The following DACH1 variants were observed in gnomAD, a reference collection of about 807,000 sequenced individuals.
The protein encoded by DACH1 is dachshund homolog 1.
In DACH1, 12 loss-of-function variants were observed where a neutral mutation model predicts 54.2. The observed-to-expected ratio is 0.22, with a 90% CI of 0.14 to 0.36. DACH1 has a LOEUF of 0.36. Ranked by LOEUF, DACH1 falls within the 10% of genes least tolerant of loss-of-function variation. The pLI, the probability that DACH1 is intolerant of heterozygous loss-of-function variation, is 1.00. For missense variants in DACH1, 805 were observed against 929.8 expected, an observed-to-expected ratio of 0.87 and a Z score of 1.75; for synonymous variants, 386 against 366.2, an observed-to-expected ratio of 1.05 and a Z score of -0.62.
intron 10 of DACH1, among the ~76,000 whole-genome samples, chr13:71,448,568 T>C (rs1874684133): frequency 6.6e-6 from 1 of 152,094 alleles, no homozygotes; most frequent in African/African-American, 2.4e-5. Context: ...ATATTTAGAG[T>C]AAGAACATTC....
chr13:71,454,498 C>T (rs1036360617), intron 10 of DACH1, among the ~76,000 whole-genome samples: 20 of 152,110 alleles, frequency 1.3e-4, no homozygotes, highest in African/African-American at 3.6e-4. Flanking sequence ...TCTAAAAAGA[C>T]GGTAACTTGC....
intron 6 of DACH1, among the ~76,000 whole-genome samples, chr13:71,509,413 T>C (rs1204487628): frequency 6.6e-6 from 1 of 152,066 alleles, no homozygotes; most frequent in Admixed American, 6.6e-5. Flanking sequence ...AAATTAGGAA[T>C]GAGACTAATA....
chr13:71,584,134 G>T (rs1873060664), intron 3 of DACH1, among the ~76,000 whole-genome samples: 1 of 151,880 alleles, frequency 6.6e-6, no homozygotes, highest in South Asian at 2.1e-4. Flanking sequence ...AGGTCGCCTG[G>T]GTAAATGCAC....
chr13:71,677,788 C>T (rs983950065), intron 2 of DACH1, among the ~76,000 whole-genome samples: 2 of 151,972 alleles, frequency 1.3e-5, no homozygotes, highest in South Asian at 4.1e-4. Context: ...GGTGCGATCT[C>T]GGCTCACTGC....
At chr13:71,765,157 A>G (rs1885566732) in intron 1 of DACH1, among the ~76,000 whole-genome samples, 1 of 152,138 alleles carries the variant, frequency 6.6e-6, no homozygotes, top group Non-Finnish European at 1.5e-5. Context: ...ATTTCCATGA[A>G]TTTGTTATCT....
chr13:71,726,789 T>A (rs910682788), intron 1 of DACH1, among the ~76,000 whole-genome samples: 7 of 152,066 alleles, frequency 4.6e-5, no homozygotes, highest in African/African-American at 1.7e-4. Flanking sequence ...CTTTAAATGT[T>A]TATCTATCTA....
intron 6 of DACH1, 27 bp from the exon 7 acceptor site, chr13:71,489,175 G>A: frequency 6.2e-7 from 1 of 1,603,190 alleles, no homozygotes; most frequent in South Asian, 1.1e-5. Context: ...CAAAAATATA[G>A]AACAAGTTAC....
At chr13:71,730,565 T>C (rs1350186677) in intron 1 of DACH1, among the ~76,000 whole-genome samples, 1 of 152,168 alleles carries the variant, frequency 6.6e-6, no homozygotes, top group Non-Finnish European at 1.5e-5. Flanking sequence ...TTCCTTTATA[T>C]ATTGTGTGAG....
intron 1 of DACH1, among the ~76,000 whole-genome samples, chr13:71,709,400 C>A (rs1882604965): frequency 6.6e-6 from 1 of 151,856 alleles, no homozygotes; most frequent in Non-Finnish European, 1.5e-5. Flanking sequence ...AAATCGTGTG[C>A]CATTCTGAAT....
At chr13:71,577,889 C>G (rs1218913248) in intron 3 of DACH1, among the ~76,000 whole-genome samples, 2 of 152,088 alleles carry the variant, frequency 1.3e-5, no homozygotes, top group African/African-American at 4.8e-5. Context: ...CAATTATAGT[C>G]TTAGTCCAAA....
intron 7 of DACH1, among the ~76,000 whole-genome samples, chr13:71,486,755 C>T (rs1401866101): frequency 2.6e-5 from 4 of 152,002 alleles, no homozygotes; most frequent in Non-Finnish European, 5.9e-5. Context: ...TATATATACA[C>T]ATACATATAA....
rs566031466 is a variant in DACH1, at chr13:71,628,593, A to T, written c.1126+1963T>A. Among the ~76,000 whole-genome samples the T allele has an allele frequency of 5.3e-5, 8 of 152,208 alleles. No individual in the cohort carries two copies. The South Asian group carries it at 8.3e-4, about 16-fold the overall frequency. ...GGATGGGGGGTGTCAAAACTAAAAA[A>T]TAGTAATATCCATCAACTGCATACC... On this transcript the variant is annotated intron_variant, in intron 3 of 10. Transcript: ENST00000613252.
At chr13:71,827,950 T>C (rs1372326730) in intron 1 of DACH1, among the ~76,000 whole-genome samples, 1 of 151,982 alleles carries the variant, frequency 6.6e-6, no homozygotes, top group African/African-American at 2.4e-5. Context: ...ATTAATCACA[T>C]AAAATCATTT....
intron 1 of DACH1, among the ~76,000 whole-genome samples, chr13:71,816,619 C>CGTATATATATACACACATATGT (rs1887949466): frequency 7.2e-6 from 1 of 138,128 alleles, no homozygotes; most frequent in Admixed American, 7.2e-5. Context: ...TATATATACA[C>CGTATATATATACACACATATGT]GTGTATATAT....
rs535322728 is a variant in DACH1, at chr13:71,722,842, C to T, written c.849-40932G>A. Among the ~76,000 whole-genome samples, 3 of 152,130 alleles carry T rather than the reference C, an allele frequency of 2.0e-5. No homozygotes were observed. In the East Asian group the frequency reaches 5.8e-4, roughly 30 times the overall value. On this transcript the variant is annotated intron_variant, in intron 1 of 10. Coordinates refer to ENST00000613252, the MANE Select transcript of DACH1 (RefSeq NM_080759.6). Reference sequence around the variant, plus strand: ...GCTTCAATATACTATTCGTGGCTTTCTCATAAACTACGATGGAGCTGGGGG... The same window carrying T: ...GCTTCAATATACTATTCGTGGCTTTTTCATAAACTACGATGGAGCTGGGGG...
At chr13:71,669,007 T>A (rs908073907) in intron 2 of DACH1, among the ~76,000 whole-genome samples, 1 of 152,184 alleles carries the variant, frequency 6.6e-6, no homozygotes, top group African/African-American at 2.4e-5. Context: ...TTCCCAGAAC[T>A]GATATATTCA....
chr13:71,786,690 T>C (rs1466189527), intron 1 of DACH1, among the ~76,000 whole-genome samples: 1 of 152,128 alleles, frequency 6.6e-6, no homozygotes, highest in South Asian at 2.1e-4. Context: ...TGGCTATTAT[T>C]AAGTCCAATC....
At chr13:71,485,874 C>T (rs1435931950) in intron 7 of DACH1, among the ~76,000 whole-genome samples, 1 of 151,768 alleles carries the variant, frequency 6.6e-6, no homozygotes, top group African/African-American at 2.4e-5. Context: ...AGCCACTGCA[C>T]CTGGCTAACT....
chr13:71,813,004 C>A (rs1405319406), intron 1 of DACH1, among the ~76,000 whole-genome samples: 1 of 152,140 alleles, frequency 6.6e-6, no homozygotes, highest in African/African-American at 2.4e-5. Flanking sequence ...CTAAGTCATT[C>A]TTCTTCCAAT....
Sources: gnomAD v4.1 joint callset for allele counts (sites outside exome capture counted in the v4.1 genomes callset) on GRCh38, gnomAD v4.1.1 for gene constraint, MANE v1.5 for transcripts, NCBI Gene and HGNC (gene_info 2026-07-23, HGNC 2026-07-21) for gene names.